The following ATAD3B variants were observed in gnomAD, a reference collection of about 807,000 sequenced individuals.
ATAD3B encodes the protein ATPase family AAA domain containing 3B, also known as ATPase family AAA domain-containing protein 3B.
In ATAD3B, 59 loss-of-function variants were observed where a neutral mutation model predicts 70.2. The ratio of observed to expected loss-of-function variants is 0.84; its 90% CI spans 0.68 to 1.04. The LOEUF is 1.04. ATAD3B is among the 50% of genes least tolerant of loss of function. The pLI is 0.00. For missense variants in ATAD3B, 961 were observed against 913.4 expected, an observed-to-expected ratio of 1.05 and a Z score of -0.67; for synonymous variants, 423 against 388.6, an observed-to-expected ratio of 1.09 and a Z score of -1.04.
At chr1:1,500,512 A>G (rs1300850481), downstream of ATAD3B, among the ~76,000 whole-genome samples, 4 of 142,668 alleles carry the variant, frequency 2.8e-5, no homozygotes, top group African/African-American at 1.0e-4. Flanking sequence ...AGATTGCGCC[A>G]CTGCCCTCCA....
In ATAD3B at chr1:1,471,921, G is replaced by A. The variant is rs774886357; in HGVS notation, c.37G>A (p.Gly13Ser). 57 of 1,259,640 alleles carry A rather than the reference G, an allele frequency of 4.5e-5. No homozygotes were observed. Among genetic ancestry groups the A allele is most frequent in the African/African-American group, 6.2e-5 (4 of 64,238 alleles). 78.0% of individuals were successfully genotyped at this position (1,259,640 alleles called of 1,614,324 possible). A position where few individuals can be genotyped will look rare whatever the true frequency, so the allele number is the denominator to read the frequency against. ...WLFGVNKGPKGEGAGPPPPLP... is the reference protein window; with the variant it reads ...WLFGVNKGPKSEGAGPPPPLP... ...CTTCGGCGTTAACAAGGGCCCCAAG[G>A]GTGAAGGCGCGGGGCCGCCGCCGCC... Residue 13 changes from glycine to serine, a missense_variant, in exon 1 of 16, where the codon GGT becomes AGT. Gly to Ser is a moderately conservative substitution (Grantham distance 56). This residue lies in a region of ATAD3B where 187 missense variants were observed against 244.3 expected (regional missense o/e 0.77). Transcript: ENST00000673477.
Position 1,490,587 on chromosome 1 carries a change from C to G in ATAD3B, c.1530C>G (p.Asp510Glu). 1 of 1,610,946 alleles carries G rather than the reference C, an allele frequency of 6.2e-7. No homozygotes were observed. The change falls in exon 15 of 16, where the codon GAC (aspartate) becomes GAG (glutamate). Residue 510 changes from aspartate (D) to glutamate (E), a missense_variant. Coordinates refer to ENST00000673477, the MANE Select transcript of ATAD3B (RefSeq NM_031921.6). ...GKRRLKLAQF[D>E]YGRKCSEVAR... The stretch of plus-strand genomic sequence containing the variant: ...GGCGCCTGAAGCTGGCCCAGTTTGA[C>G]TACGGGAGGAAGTGCTCGGAGGTCG...
Position 1,482,394 on chromosome 1 carries a change from T to C in ATAD3B, c.680+91T>C, listed in dbSNP as rs1008521536. 6 of 1,582,320 alleles carry C rather than the reference T, an allele frequency of 3.8e-6. No homozygotes were observed. The African/African-American group carries it at 5.5e-5, about 14-fold the overall frequency. ...GGGCGCTCTCCAGCTCTTCCAGGCC[T>C]GGCCGCCATAGGCTGACTCCTTGGT... On this transcript the variant is annotated intron_variant, in intron 6 of 15. Transcript: ENST00000673477.
chr1:1,495,337 G>C, intron 15 of ATAD3B, 148 bp from the exon 16 acceptor site: 1 of 1,130,176 alleles, frequency 8.8e-7, no homozygotes, highest in East Asian at 2.6e-5. Context: ...CGCGTGCTGG[G>C]CTCTGCCAAG....
chr1:1,507,148 T>G, the ATAD3B span, among the ~76,000 whole-genome samples: 1 of 152,184 alleles, frequency 6.6e-6, no homozygotes, highest in Non-Finnish European at 1.5e-5. Context: ...TGATTTTACC[T>G]CTCCCTTTTC....
At chr1:1,486,980 C>G (rs948487620) in intron 11 of ATAD3B, among the ~76,000 whole-genome samples, 2 of 151,298 alleles carry the variant, frequency 1.3e-5, no homozygotes, top group African/African-American at 4.9e-5. Flanking sequence ...CGCCCTCCCC[C>G]CAACACGCCT....
chr1:1,485,117 A>G lies in ATAD3B; in HGVS notation c.852A>G (p.Leu284=), dbSNP rs773186307. ...FIEARLGKPS[L]VRETSRITVL... ...AGGCTCGGCTGGGGAAGCCGTCCCTAGTGAGGGAGACGTCCCGCATCACGG... is the reference window on the plus strand; with the variant it reads ...AGGCTCGGCTGGGGAAGCCGTCCCTGGTGAGGGAGACGTCCCGCATCACGG... Residue 284 remains leucine (L), a synonymous_variant, in exon 8 of 16, where the codon CTA becomes CTG. Transcript: ENST00000673477. 4 of 1,610,448 alleles carry G rather than the reference A, an allele frequency of 2.5e-6. No homozygotes were observed. Among genetic ancestry groups the G allele is most frequent in the East Asian group, 2.2e-5 (1 of 44,852 alleles).
chr1:1,478,687 G>T lies in ATAD3B; in HGVS notation c.326G>T (p.Arg109Leu), dbSNP rs1311163237. Residue 109 changes from arginine (R) to leucine (L), a missense_variant, in exon 3 of 16, where the codon CGG becomes CTG. Physicochemically the swap from Arg to Leu is moderately radical, Grantham distance 102. Transcript: ENST00000673477. ...AVEQLKSEQIRAQAEERRKTL... is the reference protein window; with the variant it reads ...AVEQLKSEQILAQAEERRKTL... ...GAGCAGCTCAAGAGCGAGCAGATCCGGGCGCAGGCTGAGGAGAGGAGGAAG... is the reference window on the plus strand; with the variant it reads ...GAGCAGCTCAAGAGCGAGCAGATCCTGGCGCAGGCTGAGGAGAGGAGGAAG... The T allele has an allele frequency of 1.3e-6, 2 of 1,542,172 alleles. No individual in the cohort carries two copies. The highest frequency in any genetic ancestry group is 1.7e-6 in the Non-Finnish European group (2 of 1,143,412).
downstream of ATAD3B, among the ~76,000 whole-genome samples, chr1:1,501,355 C>T (rs1401604588): frequency 2.0e-5 from 3 of 151,774 alleles, no homozygotes; most frequent in African/African-American, 7.3e-5. Context: ...CCCGGGTTCA[C>T]GCCATTCTCC....
At chr1:1,492,015 A>C (rs1396121625) in intron 15 of ATAD3B, among the ~76,000 whole-genome samples, 1 of 151,854 alleles carries the variant, frequency 6.6e-6, no homozygotes, top group Non-Finnish European at 1.5e-5. Flanking sequence ...GTGAGACCCC[A>C]TCTCTACAAA....
rs765193625 is a variant in ATAD3B, at chr1:1,490,306, A to G, written c.1387A>G (p.Ile463Val). 4 of 1,613,020 alleles carry G rather than the reference A, an allele frequency of 2.5e-6. No individual in the cohort carries two copies. The East Asian group carries it at 6.7e-5, about 27-fold the overall frequency. The change falls in exon 14 of 16, where the codon ATC becomes GTC. Residue 463 changes from isoleucine (I) to valine (V), a missense_variant. Coordinates refer to ENST00000673477, the MANE Select transcript of ATAD3B (RefSeq NM_031921.6). ...SNLPEQFDCA[I>V]NSRIDVMVHF... The stretch of plus-strand genomic sequence containing the variant: ...TCTGCCTGAGCAGTTCGACTGTGCC[A>G]TCAACAGCCGCATTGACGTGATGGT...
downstream of ATAD3B, among the ~76,000 whole-genome samples, chr1:1,498,678 G>A (rs1376919815): frequency 6.6e-6 from 1 of 151,496 alleles, no homozygotes; most frequent in African/African-American, 2.4e-5. Flanking sequence ...AAAGTGTTGG[G>A]GTTACAGGCC....
downstream of ATAD3B, among the ~76,000 whole-genome samples, chr1:1,498,468 A>G (rs534820251): frequency 2.6e-5 from 4 of 151,780 alleles, no homozygotes; most frequent in Admixed American, 6.6e-5. Context: ...CTCAAAATAA[A>G]TTAAAAAATA....
At chr1:1,503,320 C>T in the ATAD3B span, 3 of 441,670 alleles carry the variant, frequency 6.8e-6, no homozygotes, top group East Asian at 3.9e-5. Context: ...AGCCTCCTCC[C>T]GTCCACGTGG....
rs1640390728 is a variant in ATAD3B, at chr1:1,489,136, G to GAC, written c.1267-67_1267-66dup. 3.7e-6 allele frequency: 6 copies of GAC among 1,608,666 alleles called. No homozygotes were observed. In the African/African-American group the frequency reaches 6.7e-5, roughly 18 times the overall value. On this transcript the variant is annotated intron_variant, in intron 12 of 15. Transcript: ENST00000673477. Reference sequence around the variant, plus strand: ...CTCCCTGCAGGAGGGAGGCCTGTGGGACTTTCTGCTCTGGCTGTTTACAAG... The same window carrying GAC: ...CTCCCTGCAGGAGGGAGGCCTGTGGGACACTTTCTGCTCTGGCTGTTTACAAG...
At position 1,495,985 on chromosome 1, in the gene ATAD3B, C is replaced by T; in HGVS notation, c.*168C>T. On this transcript the variant is annotated 3_prime_UTR_variant, in exon 16 of 16. Transcript: ENST00000673477. ...AGCCCCTGGGGCAGAAGGAGTGGGG[C>T]AGGCGGGGTCTTTGTTCTCGGCTCC... 2 of 1,365,338 alleles carry T rather than the reference C, an allele frequency of 1.5e-6. No homozygotes were observed. The highest frequency in any genetic ancestry group is 4.0e-5 in the South Asian group (2 of 50,074). 84.6% of individuals were successfully genotyped at this position (1,365,338 alleles called of 1,614,324 possible). A position where few individuals can be genotyped will look rare whatever the true frequency, so the allele number is the denominator to read the frequency against.
chr1:1,477,137 T>G, intron 1 of ATAD3B, 137 bp from the exon 2 acceptor site: 2 of 1,156,496 alleles, frequency 1.7e-6, no homozygotes, highest in Non-Finnish European at 2.5e-6. Flanking sequence ...AGCCTCAGAG[T>G]TGCTGGGATT....
intron 13 of ATAD3B, chr1:1,489,802 C>G: frequency 7.8e-7 from 1 of 1,281,258 alleles, no homozygotes; most frequent in Non-Finnish European, 1.0e-6. Context: ...TCCCTGGAGC[C>G]CTGACTCAGG....
Position 1,477,302 on chromosome 1 carries a change from G to A in ATAD3B, c.234G>A (p.Ala78=), listed in dbSNP as rs1243574684. 2.5e-6 allele frequency: 4 copies of A among 1,612,284 alleles called. No homozygotes were observed. The highest frequency in any genetic ancestry group is 2.2e-5 in the East Asian group (1 of 44,902). ...ACGCCAAGGAGGCCCTGAATCTGGC[G>A]CAGATGCAGGAGCAGACGCTGCAGT... is the stretch of plus-strand genomic sequence containing the variant. The part of the protein sequence containing the change: ...SRYAKEALNL[A]QMQEQTLQLE... Residue 78 remains alanine, a synonymous_variant, in exon 2 of 16, where the codon GCG becomes GCA. Coordinates refer to ENST00000673477, the MANE Select transcript of ATAD3B (RefSeq NM_031921.6).
Sources: allele counts gnomAD v4.1 joint callset (sites outside exome capture counted in the v4.1 genomes callset), GRCh38; gene constraint gnomAD v4.1.1; regional missense constraint gnomAD v4.1.1; transcripts MANE v1.5; gene names NCBI Gene and HGNC (gene_info 2026-07-23, HGNC 2026-07-21).